The following CDH18 variants were observed in gnomAD, a reference collection of about 807,000 sequenced individuals.
CDH18 encodes cadherin 18.
Under a neutral mutation model 67.9 loss-of-function variants are expected in CDH18, and 31 were observed. That is an observed-to-expected ratio of 0.46 (90% CI 0.34 to 0.62). The LOEUF (loss-of-function observed/expected upper bound fraction) is 0.62. Among genes scored for constraint, CDH18 ranks in the 20% least tolerant of loss-of-function variants. CDH18 has a pLI of 0.01. For synonymous variants in CDH18, 362 were observed against 347.2 expected (o/e 1.04, Z -0.48); for missense variants, 890 against 975.5 (o/e 0.91, Z 1.17).
intron 1 of CDH18, among the ~76,000 whole-genome samples, chr5:20,506,057 C>CA (rs1209913942): frequency 2.0e-5 from 3 of 151,536 alleles, no homozygotes; most frequent in Non-Finnish European, 4.4e-5. Context: ...AGAAAGGAGT[C>CA]AAAAAAAGGA....
chr5:19,630,756 C>T (rs764925053), intron 5 of CDH18, among the ~76,000 whole-genome samples: 15 of 152,144 alleles, frequency 9.9e-5, no homozygotes, highest in African/African-American at 1.4e-4. Context: ...ATAGAATGAA[C>T]GGGTCCCCTA....
At chr5:19,598,027 T>C (rs936087335) in intron 6 of CDH18, among the ~76,000 whole-genome samples, 4 of 152,308 alleles carry the variant, frequency 2.6e-5, no homozygotes, top group Admixed American at 2.0e-4. Flanking sequence ...AATTTAGAAA[T>C]AGTCAAATGA....
At chr5:19,795,479 AG>A (rs1776763615) in intron 3 of CDH18, among the ~76,000 whole-genome samples, 1 of 152,188 alleles carries the variant, frequency 6.6e-6, no homozygotes, top group South Asian at 2.1e-4. Flanking sequence ...ATGCAGCACC[AG>A]TGGCTCCAGA....
chr5:19,945,882 A>C (rs549718631), intron 2 of CDH18, among the ~76,000 whole-genome samples: 107 of 152,108 alleles, frequency 7.0e-4, no homozygotes, highest in Non-Finnish European at 1.0e-3. Context: ...GGGACAACAC[A>C]AAAAGATCTA....
chr5:19,640,207 G>T (rs1027444461), intron 5 of CDH18, among the ~76,000 whole-genome samples: 4 of 152,114 alleles, frequency 2.6e-5, no homozygotes, highest in African/African-American at 9.7e-5. Context: ...ACAGTCATAT[G>T]CAGACTAATG....
At chr5:19,907,957 C>T (rs1347370451) in intron 2 of CDH18, among the ~76,000 whole-genome samples, 1 of 151,850 alleles carries the variant, frequency 6.6e-6, no homozygotes, top group Non-Finnish European at 1.5e-5. Flanking sequence ...ACTTTAAAAT[C>T]CTTAAATGGG....
rs750509150 is a variant in CDH18 at position 19,728,228 on chromosome 5, A to G, written c.524-6762T>C. Among the ~76,000 whole-genome samples the G allele has an allele frequency of 7.8e-4, 118 of 152,168 alleles. 2 individuals carry two copies. The highest frequency in any genetic ancestry group is 2.6e-4 in the Admixed American group (4 of 15,276). ...TAATTGGTTTCCCAATTAAAGAAAA[A>G]TCTTTCAAAAGTGCTTTAGAAGCAT... On this transcript the variant is annotated intron_variant, in intron 4 of 12. Coordinates refer to ENST00000382275, the MANE Select transcript of CDH18 (RefSeq NM_004934.5).
chr5:19,928,544 C>T (rs754902026), intron 2 of CDH18, among the ~76,000 whole-genome samples: 1 of 151,994 alleles, frequency 6.6e-6, no homozygotes, highest in Admixed American at 6.6e-5. Context: ...CATGTATATC[C>T]ATACATGCTA....
At chr5:20,290,187 T>C (rs986006989) in intron 1 of CDH18, among the ~76,000 whole-genome samples, 1 of 152,254 alleles carries the variant, frequency 6.6e-6, no homozygotes, top group East Asian at 1.9e-4. Flanking sequence ...CTGAGCCCCA[T>C]CTGACCTACT....
At chr5:20,246,750 A>C (rs1486028404) in intron 2 of CDH18, among the ~76,000 whole-genome samples, 1 of 152,218 alleles carries the variant, frequency 6.6e-6, no homozygotes, top group Non-Finnish European at 1.5e-5. Context: ...TAATCAAGTT[A>C]GTTTCCTCAT....
chr5:19,906,553 T>C (rs1408638518), intron 2 of CDH18, among the ~76,000 whole-genome samples: 1 of 151,976 alleles, frequency 6.6e-6, no homozygotes, highest in Non-Finnish European at 1.5e-5. Flanking sequence ...TAACCCTTTC[T>C]TCTTGGCTTC....
intron 2 of CDH18, among the ~76,000 whole-genome samples, chr5:20,162,783 G>A (rs1039455370): frequency 2.6e-5 from 4 of 151,716 alleles, no homozygotes; most frequent in Admixed American, 2.0e-4. Flanking sequence ...ATTTGGCTGG[G>A]CACAGTGGCT....
chr5:19,971,464 T>C (rs1398523357), intron 2 of CDH18, among the ~76,000 whole-genome samples: 3 of 152,006 alleles, frequency 2.0e-5, no homozygotes, highest in African/African-American at 4.8e-5. Flanking sequence ...AATGTATATA[T>C]AAAAAGATAG....
chr5:20,423,795 A>T (rs1341011074), intron 1 of CDH18, among the ~76,000 whole-genome samples: 1 of 149,964 alleles, frequency 6.7e-6, no homozygotes, highest in African/African-American at 2.5e-5. Flanking sequence ...AATACAAAAA[A>T]AATTAGCCGG....
chr5:20,371,396 G>A (rs115300768), intron 1 of CDH18, among the ~76,000 whole-genome samples: 1,787 of 152,144 alleles, frequency 0.012, 13 homozygotes, highest in Middle Eastern at 0.017. Flanking sequence ...TCAGACAATC[G>A]GCAATGCCTT....
intron 5 of CDH18, among the ~76,000 whole-genome samples, chr5:19,678,708 T>G (rs987581331): frequency 6.6e-6 from 1 of 150,892 alleles, no homozygotes; most frequent in African/African-American, 2.4e-5. Context: ...AGAAAAAAAA[T>G]GATAAATTCC....
At chr5:20,144,345 T>C (rs1750479245) in intron 2 of CDH18, among the ~76,000 whole-genome samples, 1 of 152,206 alleles carries the variant, frequency 6.6e-6, no homozygotes, top group Admixed American at 6.5e-5. Flanking sequence ...TAATGGGTTT[T>C]ATCCTGCCTA....
intron 1 of CDH18, among the ~76,000 whole-genome samples, chr5:20,374,243 G>C (rs1743234879): frequency 6.6e-6 from 1 of 152,166 alleles, no homozygotes; most frequent in Non-Finnish European, 1.5e-5. Context: ...CAATTCTACA[G>C]ATACCGGCAG....
intron 1 of CDH18, among the ~76,000 whole-genome samples, chr5:20,478,297 T>C (rs1752571717): frequency 6.6e-6 from 1 of 152,118 alleles, no homozygotes; most frequent in Admixed American, 6.5e-5. Context: ...CAAAGTTGGC[T>C]CCTGGGGTCC....
Sources: allele counts gnomAD v4.1 joint callset (sites outside exome capture counted in the v4.1 genomes callset), GRCh38; gene constraint gnomAD v4.1.1; transcripts MANE v1.5; gene names NCBI Gene and HGNC (gene_info 2026-07-23, HGNC 2026-07-21).